The following ZNF804B variants were observed in gnomAD, a reference collection of about 807,000 sequenced individuals.
ZNF804B encodes the protein zinc finger 804B.
ZNF804B carries 80 observed loss-of-function variants against 101.4 expected under a neutral mutation model. That is an observed-to-expected ratio of 0.79 (90% CI 0.66 to 0.95). The LOEUF (loss-of-function observed/expected upper bound fraction) is 0.95. Among genes scored for constraint, ZNF804B ranks in the 40% least tolerant of loss-of-function variants. The probability of loss-of-function intolerance (pLI) is 0.00; values close to 1 mark genes in which losing one functional copy is unlikely to be tolerated. For missense variants in ZNF804B, 1,673 were observed against 1,561.9 expected, an observed-to-expected ratio of 1.07 and a Z score of -1.20; for synonymous variants, 622 against 558.8, an observed-to-expected ratio of 1.11 and a Z score of -1.59.
chr7:88,778,681 T>C (rs1288098130), intron 1 of ZNF804B, among the ~76,000 whole-genome samples: 2 of 152,186 alleles, frequency 1.3e-5, no homozygotes, highest in African/African-American at 4.8e-5. Context: ...TCTGCTAATT[T>C]TCATTCCTAA....
intron 2 of ZNF804B, among the ~76,000 whole-genome samples, chr7:89,277,092 G>T (rs897382661): frequency 1.3e-5 from 2 of 148,366 alleles, no homozygotes; most frequent in African/African-American, 4.9e-5. Context: ...AGTTTATTAT[G>T]TATACAAATA....
chr7:89,168,477 A>C (rs1791175328), intron 1 of ZNF804B, among the ~76,000 whole-genome samples: 1 of 152,142 alleles, frequency 6.6e-6, no homozygotes, highest in South Asian at 2.1e-4. Context: ...TAGGTGTTTA[A>C]GAGCAAACTT....
At chr7:88,831,083 C>T (rs1562805716) in intron 1 of ZNF804B, among the ~76,000 whole-genome samples, 1 of 151,828 alleles carries the variant, frequency 6.6e-6, no homozygotes, top group Non-Finnish European at 1.5e-5. Flanking sequence ...CCATATATTT[C>T]ACACATCTAA....
intron 1 of ZNF804B, among the ~76,000 whole-genome samples, chr7:88,904,812 A>G (rs747378127): frequency 6.6e-6 from 1 of 152,198 alleles, no homozygotes; most frequent in African/African-American, 2.4e-5. Context: ...ATCCTGGAAC[A>G]TTACAAAAGA....
At chr7:88,786,021 C>G (rs908287098) in intron 1 of ZNF804B, among the ~76,000 whole-genome samples, 3 of 152,106 alleles carry the variant, frequency 2.0e-5, no homozygotes, top group Non-Finnish European at 2.9e-5. Flanking sequence ...ATCCTGCATG[C>G]TCTCTAAGGT....
At chr7:89,150,675 C>T (rs1790860768) in intron 1 of ZNF804B, among the ~76,000 whole-genome samples, 1 of 152,038 alleles carries the variant, frequency 6.6e-6, no homozygotes, top group South Asian at 2.1e-4. Context: ...TGGGTCATTG[C>T]TAAGTAGAAG....
intron 1 of ZNF804B, among the ~76,000 whole-genome samples, chr7:89,179,512 A>G (rs1185270569): frequency 2.0e-5 from 3 of 152,204 alleles, no homozygotes; most frequent in Non-Finnish European, 4.4e-5. Context: ...TCTTTCTGTT[A>G]AATTTATCTC....
At chr7:88,896,052 C>G (rs974917815) in intron 1 of ZNF804B, among the ~76,000 whole-genome samples, 2 of 152,006 alleles carry the variant, frequency 1.3e-5, no homozygotes, top group African/African-American at 4.8e-5. Context: ...AGTAATTGTA[C>G]GTTGGAGAAA....
At chr7:88,942,356 A>C (rs1287689494) in intron 1 of ZNF804B, among the ~76,000 whole-genome samples, 2 of 152,140 alleles carry the variant, frequency 1.3e-5, no homozygotes, top group Middle Eastern at 6.8e-3. Context: ...AGTTTTCATA[A>C]TATGTATAAG....
At chr7:88,986,553 A>G (rs1295580835) in intron 1 of ZNF804B, among the ~76,000 whole-genome samples, 3 of 152,124 alleles carry the variant, frequency 2.0e-5, no homozygotes, top group Non-Finnish European at 4.4e-5. Flanking sequence ...ATCCTAGTGC[A>G]CTGAGAAATG....
chr7:89,050,354 A>G lies in ZNF804B; in HGVS notation c.109-167801A>G, dbSNP rs187643720. Among the ~76,000 whole-genome samples the G allele has an allele frequency of 2.9e-3, 442 of 152,252 alleles. 2 individuals carry two copies. The highest frequency in any genetic ancestry group is 4.8e-3 in the Non-Finnish European group (326 of 68,018). ...GGGATCAGAGTCTTAAAATAAATCA[A>G]TATTCATGTGGTCTAAAATGATTCC... On this transcript the variant is annotated intron_variant, in intron 1 of 3. Coordinates refer to ENST00000333190, the MANE Select transcript of ZNF804B (RefSeq NM_181646.5).
intron 2 of ZNF804B, among the ~76,000 whole-genome samples, chr7:89,254,397 G>A (rs903763627): frequency 1.3e-5 from 2 of 151,200 alleles, no homozygotes; most frequent in African/African-American, 4.9e-5. Context: ...ACTACCATAA[G>A]ATGAGTAAAT....
At chr7:88,891,787 C>A (rs1177074585) in intron 1 of ZNF804B, among the ~76,000 whole-genome samples, 1 of 151,704 alleles carries the variant, frequency 6.6e-6, no homozygotes, top group African/African-American at 2.4e-5. Context: ...ATGTGCACAA[C>A]GTGCAGGTTT....
chr7:88,942,671 TA>T (rs931886937), intron 1 of ZNF804B, among the ~76,000 whole-genome samples: 1 of 151,506 alleles, frequency 6.6e-6, no homozygotes, highest in African/African-American at 2.4e-5. Flanking sequence ...GTATTACACT[TA>T]AAAAAAACCA....
At chr7:88,760,142 A>C in intron 1 of ZNF804B, 58 bp downstream of exon 1, 1 of 1,394,332 alleles carries the variant, frequency 7.2e-7, no homozygotes, top group Non-Finnish European at 1.0e-6. Context: ...CACAAACAAA[A>C]AGATATTGAG....
In ZNF804B at chr7:89,218,148, C is replaced by A; in HGVS notation, c.109-7C>A. 1.9e-6 allele frequency: 3 copies of A among 1,606,182 alleles called. No individual in the cohort carries two copies. Among genetic ancestry groups the A allele is most frequent in the Non-Finnish European group, 1.7e-6 (2 of 1,177,456 alleles). ...TCTAACCAACATTTATGTATTTTTT[C>A]TTAAAGGATTTTGCAGAAAAGAAGT... On this transcript the variant is annotated splice_region_variant and splice_polypyrimidine_tract_variant and intron_variant, in intron 1 of 3. Transcript: ENST00000333190.
chr7:89,190,581 T>C (rs940757799), intron 1 of ZNF804B, among the ~76,000 whole-genome samples: 2 of 152,128 alleles, frequency 1.3e-5, no homozygotes, highest in Non-Finnish European at 2.9e-5. Context: ...AGCTGCAGGT[T>C]TTGAGAGGTT....
chr7:89,162,030 T>C (rs1791072886), intron 1 of ZNF804B, among the ~76,000 whole-genome samples: 1 of 152,168 alleles, frequency 6.6e-6, no homozygotes, highest in African/African-American at 2.4e-5. Context: ...TCATATGATA[T>C]GTCATCTTTG....
intron 1 of ZNF804B, among the ~76,000 whole-genome samples, chr7:88,944,351 A>G (rs796299021): frequency 2.2e-4 from 33 of 151,950 alleles, no homozygotes; most frequent in African/African-American, 7.9e-4. Context: ...CTAATGACTA[A>G]TGATACTGAA....
Sources: allele counts gnomAD v4.1 joint callset (sites outside exome capture counted in the v4.1 genomes callset), GRCh38; gene constraint gnomAD v4.1.1; transcripts MANE v1.5; gene names NCBI Gene and HGNC (gene_info 2026-07-23, HGNC 2026-07-21).